The following CAVIN1 variants were observed in gnomAD, a reference collection of about 807,000 sequenced individuals.
CAVIN1 encodes caveolae associated protein 1, also known as caveolae-associated protein 1.
In CAVIN1, 16 loss-of-function variants were observed where a neutral mutation model predicts 24.0. The observed-to-expected ratio is 0.67, with a 90% CI of 0.45 to 1.01. CAVIN1 has a LOEUF of 1.01. Ranked by LOEUF, CAVIN1 falls within the 50% of genes least tolerant of loss-of-function variation. CAVIN1 has a pLI of 0.00. For missense variants in CAVIN1, 510 were observed against 551.7 expected (o/e 0.92, Z 0.76); for synonymous variants, 256 against 256.4 (o/e 1.00, Z 0.02).
intron 1 of CAVIN1, among the ~76,000 whole-genome samples, chr17:42,418,229 C>CTTTTTTTT (rs555569816): frequency 7.7e-6 from 1 of 129,478 alleles, no homozygotes; most frequent in Non-Finnish European, 1.6e-5. Context: ...ACTGTATTTC[C>CTTTTTTTT]TTTTTTTTTT....
At chr17:42,412,881 T>C (rs938534225) in intron 1 of CAVIN1, among the ~76,000 whole-genome samples, 2 of 151,574 alleles carry the variant, frequency 1.3e-5, no homozygotes, top group Admixed American at 6.6e-5. Context: ...TCTCCCAAAG[T>C]GCTGGGATTA....
rs2085559635 is a variant in CAVIN1 at position 42,422,654 on chromosome 17, G to C, written c.444C>G (p.Arg148=). The change falls in exon 1 of 2, where the codon CGC becomes CGG. Residue 148 remains arginine, a synonymous_variant. Transcript: ENST00000357037. ...GGTAGATCATGACTTTAAAGTTGCGGCGCCGCAGCAGCTCGGCCTCGTTGA... is the reference window on the plus strand; with the variant it reads ...GGTAGATCATGACTTTAAAGTTGCGCCGCCGCAGCAGCTCGGCCTCGTTGA... The part of the protein sequence containing the change: ...LEVNEAELLR[R]RNFKVMIYQD... 1.9e-6 allele frequency: 3 copies of C among 1,593,854 alleles called. No homozygotes were observed. Among genetic ancestry groups the C allele is most frequent in the African/African-American group, 2.7e-5 (2 of 74,340 alleles).
At chr17:42,416,617 A>AAGGG (rs2085513533) in intron 1 of CAVIN1, among the ~76,000 whole-genome samples, 1 of 149,728 alleles carries the variant, frequency 6.7e-6, no homozygotes, top group African/African-American at 2.4e-5. Flanking sequence ...AAAAAAAAAA[A>AAGGG]AGGGAGGGAG....
At chr17:42,407,544 A>G (rs1470058622) in intron 1 of CAVIN1, among the ~76,000 whole-genome samples, 1 of 151,918 alleles carries the variant, frequency 6.6e-6, no homozygotes, top group Non-Finnish European at 1.5e-5. Context: ...CCCTCTCCCA[A>G]CTTCCTTCCC....
At chr17:42,422,391 G>C (rs1176355946) in intron 1 of CAVIN1, among the ~76,000 whole-genome samples, 1 of 152,156 alleles carries the variant, frequency 6.6e-6, no homozygotes, top group Non-Finnish European at 1.5e-5. Context: ...GGGGAGGTGC[G>C]AGGTGCAGAG....
At chr17:42,420,404 T>TC (rs2145487357) in intron 1 of CAVIN1, among the ~76,000 whole-genome samples, 1 of 152,340 alleles carries the variant, frequency 6.6e-6, no homozygotes, top group South Asian at 2.1e-4. Flanking sequence ...GAACATCTGC[T>TC]CTGCAGCTCA....
chr17:42,422,131 C>T (rs1431669994), intron 1 of CAVIN1, among the ~76,000 whole-genome samples: 1 of 152,144 alleles, frequency 6.6e-6, no homozygotes, highest in Non-Finnish European at 1.5e-5. Context: ...CGTGCCTGAG[C>T]CCTGAATCAC....
intron 1 of CAVIN1, among the ~76,000 whole-genome samples, chr17:42,420,911 C>T (rs1251550181): frequency 6.6e-6 from 1 of 152,134 alleles, no homozygotes; most frequent in Non-Finnish European, 1.5e-5. Flanking sequence ...GGCTTGCTGT[C>T]CCAGACCCCT....
intron 1 of CAVIN1, among the ~76,000 whole-genome samples, chr17:42,415,257 T>C (rs1183503769): frequency 6.6e-6 from 1 of 152,118 alleles, no homozygotes; most frequent in Non-Finnish European, 1.5e-5. Flanking sequence ...TGGGGAGCAG[T>C]GAGTGTAGCG....
At chr17:42,414,960 C>T (rs1215447710) in intron 1 of CAVIN1, among the ~76,000 whole-genome samples, 1 of 147,772 alleles carries the variant, frequency 6.8e-6, no homozygotes, top group African/African-American at 2.5e-5. Flanking sequence ...CTCCCCTACA[C>T]CCCTCCCCTC....
chr17:42,411,645 A>C, intron 1 of CAVIN1: 1 of 985,310 alleles, frequency 1.0e-6, no homozygotes, highest in Non-Finnish European at 1.2e-6. Flanking sequence ...CACAGAACAG[A>C]CCCCAGGCCT....
Position 42,404,620 on chromosome 17 carries a change from C to CGA in CAVIN1, c.*65_*66dup. 1.8e-6 allele frequency: 2 copies of CGA among 1,113,304 alleles called. No homozygotes were observed. Among genetic ancestry groups the CGA allele is most frequent in the Middle Eastern group, 3.1e-4 (1 of 3,268 alleles). 69.0% of individuals were successfully genotyped at this position (1,113,304 alleles called of 1,614,324 possible). A position where few individuals can be genotyped will look rare whatever the true frequency, so the allele number is the denominator to read the frequency against. ...TAGAAAAATCTCAGCCAGCTCGAGC[C>CGA]GAGAGAGAATGCGAAAGAGGAAGTT... On this transcript the variant is annotated 3_prime_UTR_variant, in exon 2 of 2. Coordinates refer to ENST00000357037, the MANE Select transcript of CAVIN1 (RefSeq NM_012232.6).
At chr17:42,412,269 G>C in intron 1 of CAVIN1, 2 of 985,008 alleles carry the variant, frequency 2.0e-6, no homozygotes, top group South Asian at 4.7e-5. Flanking sequence ...AGGAAAAGGG[G>C]TTTAAATGGG....
intron 1 of CAVIN1, among the ~76,000 whole-genome samples, chr17:42,408,378 G>C (rs1254379937): frequency 6.6e-6 from 1 of 152,138 alleles, no homozygotes; most frequent in African/African-American, 2.4e-5. Flanking sequence ...GAATGGGACT[G>C]GGGAGAGAGC....
Position 42,422,881 on chromosome 17 carries a change from C to T in CAVIN1, c.217G>A (p.Ala73Thr), listed in dbSNP as rs1320909170. Reference protein sequence around the residue: ...GAVDQIQLTQAQLEERQAEME... With the variant: ...GAVDQIQLTQTQLEERQAEME... ...TCCGCCTGCCGCTCCTCCAGCTGTG[C>T]TTGAGTCAGCTGGATCTGGTCTACG... Residue 73 changes from alanine to threonine, a missense_variant, in exon 1 of 2, where the codon GCA becomes ACA. Transcript: ENST00000357037. The T allele has an allele frequency of 2.5e-6, 4 of 1,614,030 alleles. No individual in the cohort carries two copies. In the African/African-American group the frequency reaches 5.3e-5, roughly 22 times the overall value.
intron 1 of CAVIN1, among the ~76,000 whole-genome samples, chr17:42,411,018 C>T (rs922159304): frequency 7.4e-5 from 11 of 148,140 alleles, no homozygotes; most frequent in African/African-American, 2.7e-4. Flanking sequence ...AGTTCGAAAC[C>T]CCGTCTCTAC....
chr17:42,419,530 C>T (rs2085532710), intron 1 of CAVIN1, among the ~76,000 whole-genome samples: 1 of 152,090 alleles, frequency 6.6e-6, no homozygotes, highest in Non-Finnish European at 1.5e-5. Flanking sequence ...AGGCTGGTCT[C>T]GAACTACTGA....
intron 1 of CAVIN1, among the ~76,000 whole-genome samples, chr17:42,413,046 C>T (rs2085489460): frequency 6.6e-6 from 1 of 151,994 alleles, no homozygotes; most frequent in Non-Finnish European, 1.5e-5. Context: ...ATTCTCCTGC[C>T]TCAGCCTCCC....
chr17:42,414,071 T>C (rs1048103437), intron 1 of CAVIN1, among the ~76,000 whole-genome samples: 7 of 152,160 alleles, frequency 4.6e-5, no homozygotes, highest in Non-Finnish European at 8.8e-5. Context: ...CTAATTTTTT[T>C]TGTATTTTTG....
Sources: allele counts gnomAD v4.1 joint callset (sites outside exome capture counted in the v4.1 genomes callset), GRCh38; gene constraint gnomAD v4.1.1; transcripts MANE v1.5; gene names NCBI Gene and HGNC (gene_info 2026-07-23, HGNC 2026-07-21).